Variants in ADAMTSL3 observed in about 807,000 individuals in gnomAD.
The protein encoded by ADAMTSL3 is ADAMTS-like protein 3.
In ADAMTSL3, 128 loss-of-function variants were observed where a neutral mutation model predicts 201.7. That is an observed-to-expected ratio of 0.63 (90% CI 0.55 to 0.73). The LOEUF (loss-of-function observed/expected upper bound fraction) is 0.73, where lower values mean the gene tolerates loss of function less well. Among genes scored for constraint, ADAMTSL3 ranks in the 30% least tolerant of loss-of-function variants. The pLI is 0.00. For missense variants in ADAMTSL3, 1,990 were observed against 2,119.6 expected (o/e 0.94, Z 1.20); for synonymous variants, 738 against 748.4 (o/e 0.99, Z 0.23).
chr15:83,839,083 G>C (rs2064327786), intron 7 of ADAMTSL3, among the ~76,000 whole-genome samples: 1 of 152,146 alleles, frequency 6.6e-6, no homozygotes, highest in Non-Finnish European at 1.5e-5. Flanking sequence ...TTTTCTGCCA[G>C]TACTTTTATG....
chr15:84,025,543 A>G, intron 27 of ADAMTSL3, 107 bp downstream of exon 27: 1 of 1,032,238 alleles, frequency 9.7e-7, no homozygotes, highest in East Asian at 2.6e-5. Context: ...GGGGGCAGGA[A>G]TCTGACTGGT....
At chr15:83,860,522 T>G (rs975305083) in intron 8 of ADAMTSL3, among the ~76,000 whole-genome samples, 12 of 152,162 alleles carry the variant, frequency 7.9e-5, no homozygotes, top group African/African-American at 2.9e-4. Context: ...GCATGCAAAG[T>G]ATATATGGAA....
At chr15:83,933,483 A>T (rs866190640) in intron 17 of ADAMTSL3, among the ~76,000 whole-genome samples, 55 of 152,362 alleles carry the variant, frequency 3.6e-4, no homozygotes, top group African/African-American at 1.2e-3. Context: ...ATTGGAACTT[A>T]TGTTTAAAAG....
chr15:83,890,062 A>G (rs758455488), intron 10 of ADAMTSL3, 47 bp from the exon 11 acceptor site: 3 of 1,570,358 alleles, frequency 1.9e-6, no homozygotes, highest in Middle Eastern at 1.8e-4. Context: ...TGCCAAGTAA[A>G]AATGAAACGG....
At chr15:83,756,324 G>T (rs117144850) in intron 3 of ADAMTSL3, among the ~76,000 whole-genome samples, 9,981 of 152,148 alleles carry the variant, frequency 0.066, 368 homozygotes, top group East Asian at 0.18. Context: ...CCACATGTCT[G>T]GGGAGGCCTC....
chr15:83,971,037 TTTTTTC>T (rs2067185997), intron 20 of ADAMTSL3, among the ~76,000 whole-genome samples: 2 of 152,206 alleles, frequency 1.3e-5, no homozygotes, highest in African/African-American at 2.4e-5. Context: ...CATTCAAGTA[TTTTTTC>T]TTGTGTATAA....
chr15:83,737,219 GT>G (rs1324562327), intron 3 of ADAMTSL3, among the ~76,000 whole-genome samples: 11 of 152,176 alleles, frequency 7.2e-5, no homozygotes, highest in African/African-American at 2.7e-4. Flanking sequence ...AATGGGAAGT[GT>G]GGGGGAAAAT....
chr15:83,960,739 G>A (rs979899626), intron 19 of ADAMTSL3, among the ~76,000 whole-genome samples: 7 of 152,174 alleles, frequency 4.6e-5, no homozygotes, highest in Admixed American at 3.9e-4. Flanking sequence ...GAAAGGAGAT[G>A]TGGGTAGAGG....
intron 2 of ADAMTSL3, among the ~76,000 whole-genome samples, chr15:83,701,959 T>C (rs1286341854): frequency 1.3e-5 from 2 of 152,046 alleles, no homozygotes; most frequent in Non-Finnish European, 2.9e-5. Context: ...TGTGGGAAAG[T>C]TTGGAACTCC....
intron 28 of ADAMTSL3, 22 bp downstream of exon 28, chr15:84,031,454 A>G (rs1297434448): frequency 6.2e-7 from 1 of 1,604,720 alleles, no homozygotes; most frequent in Non-Finnish European, 8.5e-7. Flanking sequence ...ACCCCAGAGC[A>G]GCACACATTC....
At chr15:83,770,210 C>A (rs949859100) in intron 3 of ADAMTSL3, among the ~76,000 whole-genome samples, 26 of 152,110 alleles carry the variant, frequency 1.7e-4, no homozygotes, top group African/African-American at 4.6e-4. Flanking sequence ...ATATGATTAT[C>A]TAATGATTGT....
intron 19 of ADAMTSL3, among the ~76,000 whole-genome samples, chr15:83,947,059 GCTTTCTC>G (rs2066668088): frequency 6.6e-6 from 1 of 152,238 alleles, no homozygotes; most frequent in Non-Finnish European, 1.5e-5. Context: ...ACTGGATGGA[GCTTTCTC>G]CTGTTAGTTA....
intron 3 of ADAMTSL3, among the ~76,000 whole-genome samples, chr15:83,761,217 C>T (rs1208826966): frequency 2.0e-5 from 3 of 152,058 alleles, no homozygotes; most frequent in Non-Finnish European, 4.4e-5. Flanking sequence ...TTATCTTCTT[C>T]ATGGATGATA....
intron 7 of ADAMTSL3, among the ~76,000 whole-genome samples, chr15:83,843,855 T>C (rs2064436277): frequency 6.6e-6 from 1 of 152,038 alleles, no homozygotes; most frequent in African/African-American, 2.4e-5. Flanking sequence ...ATATCAGAAA[T>C]TTATCCAGAT....
chr15:84,036,570 C>T (rs1040963038), intron 28 of ADAMTSL3, among the ~76,000 whole-genome samples: 3 of 152,176 alleles, frequency 2.0e-5, no homozygotes, highest in African/African-American at 7.2e-5. Context: ...AGCAGGCGCA[C>T]TCCACCCCAG....
chr15:83,792,696 T>A (rs1258748814), intron 4 of ADAMTSL3, among the ~76,000 whole-genome samples: 1 of 151,692 alleles, frequency 6.6e-6, no homozygotes, highest in Non-Finnish European at 1.5e-5. Flanking sequence ...GGCAGGAGAA[T>A]CGCTTGAACC....
rs1393649841 is a variant in ADAMTSL3, at chr15:83,822,239, G to A, written c.600+2192G>A. 3.6e-3 allele frequency among the ~76,000 whole-genome samples: 532 copies of A among 149,800 alleles called. 6 individuals carry two copies. The highest frequency in any genetic ancestry group is 0.012 in the African/African-American group (480 of 40,616). On this transcript the variant is annotated intron_variant, in intron 6 of 29. Transcript: ENST00000286744. ...CGGAGACGCTCCTCACTTCCCAGAC[G>A]GGGTGGCTGCTGGGCGGAGGGGCTC... is the stretch of plus-strand genomic sequence containing the variant.
At chr15:83,850,202 T>C (rs1219487345) in intron 7 of ADAMTSL3, among the ~76,000 whole-genome samples, 2 of 152,112 alleles carry the variant, frequency 1.3e-5, no homozygotes, top group East Asian at 1.9e-4. Context: ...GGCACAAATG[T>C]CTGTCTTCCT....
At position 83,913,244 on chromosome 15, in the gene ADAMTSL3, G is replaced by A. The variant is rs781465598; in HGVS notation, c.1853G>A (p.Arg618Gln). Residue 618 changes from arginine to glutamine, a missense_variant, in exon 16 of 30, where the codon CGG (arginine) becomes CAG (glutamine). Arg to Gln is a conservative substitution (Grantham distance 43, BLOSUM62 1). Coordinates refer to ENST00000286744, the MANE Select transcript of ADAMTSL3 (RefSeq NM_207517.3). ...GAAGGCCCCAAGCTGCCCACCGAAC[G>A]GCCCTGCCTCCTGGAAGCATGTGAT... is the stretch of plus-strand genomic sequence containing the variant. ...ECEGPKLPTE[R>Q]PCLLEACDES... The A allele has an allele frequency of 8.1e-6, 13 of 1,614,010 alleles. No individual in the cohort carries two copies. In the Admixed American group the frequency reaches 1.3e-4, roughly 17 times the overall value.
Sources: allele counts gnomAD v4.1 joint callset (sites outside exome capture counted in the v4.1 genomes callset), GRCh38; gene constraint gnomAD v4.1.1; transcripts MANE v1.5; gene names NCBI Gene and HGNC (gene_info 2026-07-23, HGNC 2026-07-21).